Variants in NKAIN3 observed in about 807,000 individuals in gnomAD.
NKAIN3 encodes sodium/potassium-transporting ATPase subunit beta-1-interacting protein 3.
Under a neutral mutation model 30.2 loss-of-function variants are expected in NKAIN3, and 25 were observed. The ratio of observed to expected loss-of-function variants is 0.83; its 90% CI spans 0.60 to 1.16. The LOEUF is 1.16. Among genes scored for constraint, NKAIN3 ranks in the 50% most tolerant of loss-of-function variants. NKAIN3 has a pLI of 0.00. For missense variants in NKAIN3, 225 were observed against 254.1 expected, an observed-to-expected ratio of 0.89 and a Z score of 0.78; for synonymous variants, 91 against 89.6, an observed-to-expected ratio of 1.02 and a Z score of -0.09.
chr8:62,796,383 CAAAAAAAAAAAAA>C (rs71255362), intron 4 of NKAIN3, among the ~76,000 whole-genome samples: 55 of 53,754 alleles, frequency 1.0e-3, no homozygotes, highest in Admixed American at 3.7e-3. Context: ...GACTCTGTCT[CAAAAAAAAAAAAA>C]AAAAAAAAAA....
intron 1 of NKAIN3, among the ~76,000 whole-genome samples, chr8:62,435,481 T>C (rs1805141183): frequency 6.6e-6 from 1 of 152,176 alleles, no homozygotes; most frequent in African/African-American, 2.4e-5. Context: ...TAAGTAGATA[T>C]ACGAAGCCAA....
At chr8:62,414,416 A>G (rs1473170648) in intron 1 of NKAIN3, among the ~76,000 whole-genome samples, 1 of 152,196 alleles carries the variant, frequency 6.6e-6, no homozygotes, top group African/African-American at 2.4e-5. Flanking sequence ...GTGGAAAAAA[A>G]TCAACGATAC....
At chr8:62,326,270 G>T (rs1331487226) in intron 1 of NKAIN3, among the ~76,000 whole-genome samples, 1 of 151,830 alleles carries the variant, frequency 6.6e-6, no homozygotes, top group Non-Finnish European at 1.5e-5. Context: ...AAAAAATGGT[G>T]CTGGGTAACT....
intron 3 of NKAIN3, among the ~76,000 whole-genome samples, chr8:62,699,889 CTTG>C: frequency 6.6e-6 from 1 of 152,216 alleles, no homozygotes; most frequent in East Asian, 1.9e-4. Flanking sequence ...CATTTAATTG[CTTG>C]GGAGGTCAAG....
intron 1 of NKAIN3, among the ~76,000 whole-genome samples, chr8:62,398,167 G>T (rs1457114329): frequency 6.6e-6 from 1 of 152,090 alleles, no homozygotes; most frequent in Non-Finnish European, 1.5e-5. Flanking sequence ...AGAAACTCAA[G>T]AAACTAAAAG....
intron 5 of NKAIN3, among the ~76,000 whole-genome samples, chr8:62,991,489 T>C (rs1824319676): frequency 6.6e-6 from 1 of 152,190 alleles, no homozygotes; most frequent in Admixed American, 6.5e-5. Context: ...TATACAGATA[T>C]CAATGCAGAG....
rs1554594810 is a variant in NKAIN3 at position 62,942,225 on chromosome 8, C to CACACATATATACACATATATATACAT, written c.533-11676_533-11675insCACATATATACACATATATATACATA. ...ACACATATATATACACATATATATA[C>CACACATATATACACATATATATACAT]ATATATATACACATATATATACATA... On this transcript the variant is annotated intron_variant, in intron 5 of 6. Transcript: ENST00000623646. Among the ~76,000 whole-genome samples, 5 of 51,712 alleles carry CACACATATATACACATATATATACAT rather than the reference C, an allele frequency of 9.7e-5. No individual in the cohort carries two copies. In the East Asian group the frequency reaches 2.2e-3, roughly 22 times the overall value. 33.9% of individuals were successfully genotyped at this position (51,712 alleles called of 152,430 possible).
At chr8:62,936,131 T>C (rs1005866515) in intron 5 of NKAIN3, among the ~76,000 whole-genome samples, 4 of 152,160 alleles carry the variant, frequency 2.6e-5, no homozygotes, top group Non-Finnish European at 5.9e-5. Flanking sequence ...CCGGACTTAA[T>C]GCTTCTTCCT....
intron 1 of NKAIN3, among the ~76,000 whole-genome samples, chr8:62,314,326 TCTGGCTACAGTTACAGC>T (rs1814543717): frequency 6.6e-6 from 1 of 152,186 alleles, no homozygotes; most frequent in Admixed American, 6.6e-5. Flanking sequence ...CAGAGTCATA[TCTGGCTACAGTTACAGC>T]CTGTGTAACC....
rs568228734 is a variant in NKAIN3 at position 62,298,862 on chromosome 8, CAAT to C, written c.54+49740_54+49742del. ...ATTAATAATTATATTAAGTATGAAT[CAAT>C]AATATTAATATATTAATATATTAAT... is the stretch of plus-strand genomic sequence containing the variant. On this transcript the variant is annotated intron_variant, in intron 1 of 6. Transcript: ENST00000623646. Among the ~76,000 whole-genome samples, 66 of 148,800 alleles carry C rather than the reference CAAT, an allele frequency of 4.4e-4. No homozygotes were observed. In the East Asian group the frequency reaches 0.011, roughly 24 times the overall value.
At chr8:62,913,243 T>A (rs984160049) in intron 4 of NKAIN3, among the ~76,000 whole-genome samples, 1 of 152,166 alleles carries the variant, frequency 6.6e-6, no homozygotes, top group Admixed American at 6.6e-5. Context: ...ACTATCAATA[T>A]CAAGTATTAT....
chr8:62,363,083 C>T (rs139493567), intron 1 of NKAIN3, among the ~76,000 whole-genome samples: 2 of 152,258 alleles, frequency 1.3e-5, no homozygotes, highest in Non-Finnish European at 2.9e-5. Flanking sequence ...TCTTCTCAGT[C>T]CATACTTAAG....
chr8:62,341,607 T>C (rs1412662304), intron 1 of NKAIN3, among the ~76,000 whole-genome samples: 1 of 152,072 alleles, frequency 6.6e-6, no homozygotes, highest in Non-Finnish European at 1.5e-5. Context: ...ATAAAATGCC[T>C]TTAACCTTTA....
At chr8:62,466,451 T>C (rs1806166836) in intron 1 of NKAIN3, among the ~76,000 whole-genome samples, 1 of 152,022 alleles carries the variant, frequency 6.6e-6, no homozygotes, top group Non-Finnish European at 1.5e-5. Flanking sequence ...CTGAGAAAGG[T>C]CCAAAATAAA....
intron 1 of NKAIN3, among the ~76,000 whole-genome samples, chr8:62,462,925 T>C (rs926644027): frequency 3.3e-5 from 5 of 152,108 alleles, no homozygotes; most frequent in Non-Finnish European, 7.4e-5. Flanking sequence ...ATAGAATGAG[T>C]GAACTTCTCT....
In NKAIN3 at chr8:62,465,760, C is replaced by T. The variant is rs562978252; in HGVS notation, c.55-113779C>T. ...TTTCATTTTAGGGCACGGTAGCTCA[C>T]GCCTATAATCCTAGCACTTTGAGAG... On this transcript the variant is annotated intron_variant, in intron 1 of 6. Transcript: ENST00000623646. Among the ~76,000 whole-genome samples, 32 of 152,258 alleles carry T rather than the reference C, an allele frequency of 2.1e-4. No individual in the cohort carries two copies. The South Asian group carries it at 6.2e-3, about 30-fold the overall frequency.
chr8:62,328,301 A>G (rs1815212034), intron 1 of NKAIN3, among the ~76,000 whole-genome samples: 2 of 152,176 alleles, frequency 1.3e-5, no homozygotes, highest in South Asian at 4.1e-4. Flanking sequence ...AATATAGTTC[A>G]ATATACATTA....
intron 4 of NKAIN3, among the ~76,000 whole-genome samples, chr8:62,768,558 T>C (rs996898014): frequency 1.3e-5 from 2 of 152,176 alleles, no homozygotes; most frequent in Admixed American, 6.5e-5. Flanking sequence ...TGTCATTCCT[T>C]GCTCTGAGTT....
At chr8:62,445,304 T>C (rs1042907031) in intron 1 of NKAIN3, among the ~76,000 whole-genome samples, 4 of 151,200 alleles carry the variant, frequency 2.6e-5, no homozygotes, top group African/African-American at 4.9e-5. Flanking sequence ...CTGTTGGCCA[T>C]CTACGTGTCT....
Sources: gnomAD v4.1 joint callset for allele counts (sites outside exome capture counted in the v4.1 genomes callset) on GRCh38, gnomAD v4.1.1 for gene constraint, MANE v1.5 for transcripts, NCBI Gene and HGNC (gene_info 2026-07-23, HGNC 2026-07-21) for gene names.